The following MAML3 variants were observed in gnomAD, a reference collection of about 807,000 sequenced individuals.
MAML3 encodes the protein mastermind-like protein 3.
A neutral mutation model predicts 101.9 loss-of-function variants in MAML3; 27 were observed. The observed-to-expected ratio is 0.27, with a 90% CI of 0.20 to 0.37. The LOEUF is 0.37. MAML3 is among the 10% of genes least tolerant of loss of function. The pLI, the probability that MAML3 is intolerant of heterozygous loss-of-function variation, is 1.00. For synonymous variants in MAML3, 501 were observed against 555.9 expected (o/e 0.90, Z 1.39); for missense variants, 1,316 against 1,444.9 (o/e 0.91, Z 1.45).
chr4:139,860,153 T>C (rs973049207), intron 2 of MAML3, among the ~76,000 whole-genome samples: 3 of 152,242 alleles, frequency 2.0e-5, no homozygotes, highest in African/African-American at 7.2e-5. Flanking sequence ...CTGAAGCCCC[T>C]AGCTCCCTCC....
intron 1 of MAML3, among the ~76,000 whole-genome samples, chr4:140,086,227 A>G (rs539582413): frequency 9.2e-5 from 14 of 152,344 alleles, no homozygotes; most frequent in African/African-American, 3.4e-4. Context: ...ACCCTCCACC[A>G]TCCGCACATA....
intron 1 of MAML3, among the ~76,000 whole-genome samples, chr4:139,899,457 C>T (rs1194889763): frequency 1.3e-5 from 2 of 152,194 alleles, no homozygotes; most frequent in African/African-American, 4.8e-5. Context: ...TCCCCCTCCA[C>T]ATTATATATT....
chr4:140,029,535 G>T (rs1173518752), intron 1 of MAML3, among the ~76,000 whole-genome samples: 1 of 152,018 alleles, frequency 6.6e-6, no homozygotes, highest in Non-Finnish European at 1.5e-5. Flanking sequence ...TTGTATTGTA[G>T]CACAAAAATA....
At chr4:139,863,040 C>T (rs888773613) in intron 2 of MAML3, among the ~76,000 whole-genome samples, 1 of 151,662 alleles carries the variant, frequency 6.6e-6, no homozygotes, top group Non-Finnish European at 1.5e-5. Flanking sequence ...GTCCCAGCTA[C>T]TCAGGAGGCT....
intron 1 of MAML3, among the ~76,000 whole-genome samples, chr4:139,934,003 A>G (rs112233005): frequency 0.048 from 7,340 of 152,114 alleles, 532 homozygotes; most frequent in African/African-American, 0.16. Context: ...CTATATGTGA[A>G]TGAGTATGTG....
At chr4:140,005,031 AAAACACAGGTAG>A (rs1214861997) in intron 1 of MAML3, among the ~76,000 whole-genome samples, 1 of 152,256 alleles carries the variant, frequency 6.6e-6, no homozygotes, top group East Asian at 1.9e-4. Context: ...TGTACTTCAA[AAAACACAGGTAG>A]AAAACATTTT....
At chr4:140,095,358 C>T (rs113036190) in intron 1 of MAML3, among the ~76,000 whole-genome samples, 229 of 152,258 alleles carry the variant, frequency 1.5e-3, no homozygotes, top group Non-Finnish European at 2.4e-3. Context: ...TCTCCACAGA[C>T]GGTCAAATCT....
At chr4:140,080,611 A>C (rs114528260) in intron 1 of MAML3, among the ~76,000 whole-genome samples, 5,162 of 152,312 alleles carry the variant, frequency 0.034, 130 homozygotes, top group Middle Eastern at 0.061. Context: ...AGCACCTCTA[A>C]AAAACCTACC....
intron 1 of MAML3, among the ~76,000 whole-genome samples, chr4:139,946,889 C>CCA (rs544250515): frequency 0.034 from 4,271 of 126,744 alleles, 128 homozygotes; most frequent in African/African-American, 0.069. Context: ...GCAGAGTAAG[C>CCA]CACACACACA....
intron 1 of MAML3, among the ~76,000 whole-genome samples, chr4:139,980,777 G>T (rs1166469279): frequency 6.6e-6 from 1 of 152,164 alleles, no homozygotes; most frequent in East Asian, 1.9e-4. Flanking sequence ...GTATTCTGCT[G>T]CAGGAAGACA....
At chr4:139,924,617 T>A (rs1323889454) in intron 1 of MAML3, among the ~76,000 whole-genome samples, 30 of 150,170 alleles carry the variant, frequency 2.0e-4, no homozygotes, top group Admixed American at 1.8e-3. Flanking sequence ...TGGAGTCAGG[T>A]ATACTAAAGT....
intron 2 of MAML3, among the ~76,000 whole-genome samples, chr4:139,841,103 G>C (rs1731352751): frequency 6.6e-6 from 1 of 152,146 alleles, no homozygotes; most frequent in African/African-American, 2.4e-5. Flanking sequence ...AGGGAAGTAT[G>C]GTCACCAAAT....
intron 1 of MAML3, among the ~76,000 whole-genome samples, chr4:139,969,723 G>C (rs1167668755): frequency 1.3e-5 from 2 of 151,934 alleles, no homozygotes; most frequent in African/African-American, 4.8e-5. Context: ...ATATTCATAG[G>C]GCCTACTGTA....
At position 139,735,980 on chromosome 4, in the gene MAML3, CGTGT is replaced by C. The variant is rs2056372913; in HGVS notation, c.2080-5317_2080-5314del. ...GCGCATTTCCCAGGCCCCGCCACATCGTGTGTGTTAGTGGCTGGGAAGGACACGA... is the reference window on the plus strand; with the variant it reads ...GCGCATTTCCCAGGCCCCGCCACATCGTGTTAGTGGCTGGGAAGGACACGA... On this transcript the variant is annotated intron_variant, in intron 2 of 4. Transcript: ENST00000509479. This position sits in a 1 kb window ranked among gnomAD's most constrained non-coding sequence, Gnocchi z 5.8. 6.6e-6 allele frequency among the ~76,000 whole-genome samples: 1 copy of C among 152,146 alleles called. No individual in the cohort carries two copies. The highest frequency in any genetic ancestry group is 1.5e-5 in the Non-Finnish European group (1 of 68,022).
Position 139,889,997 on chromosome 4 carries a change from T to C in MAML3, c.1439A>G (p.Lys480Arg). The C allele has an allele frequency of 1.2e-6, 2 of 1,612,258 alleles. No homozygotes were observed. Among genetic ancestry groups the C allele is most frequent in the African/African-American group, 1.3e-5 (1 of 75,030 alleles). ...QMAAQQQQRA[K>R]LMQQKQQQQQ... ...CTGTTGCTGTTTCTGCTGCATGAGT[T>C]TGGCCCTTTGTTGCTGCTGTGCAGC... Residue 480 changes from lysine (K) to arginine (R), a missense_variant, in exon 2 of 5, where the codon AAA becomes AGA. Coordinates refer to ENST00000509479, the MANE Select transcript of MAML3 (RefSeq NM_018717.5).
intron 1 of MAML3, among the ~76,000 whole-genome samples, chr4:140,049,595 G>T (rs1727234997): frequency 6.6e-6 from 1 of 152,158 alleles, no homozygotes; most frequent in Non-Finnish European, 1.5e-5. Flanking sequence ...CAACAGGCAG[G>T]CTATGGGGGA....
At chr4:139,754,786 G>A (rs1239155896) in intron 2 of MAML3, among the ~76,000 whole-genome samples, 1 of 152,182 alleles carries the variant, frequency 6.6e-6, no homozygotes, top group Non-Finnish European at 1.5e-5. Context: ...CAGTGCAATT[G>A]TGATTCTTCA....
At chr4:139,746,599 C>T (rs1011345320) in intron 2 of MAML3, among the ~76,000 whole-genome samples, 4 of 152,282 alleles carry the variant, frequency 2.6e-5, no homozygotes, top group African/African-American at 9.6e-5. Flanking sequence ...CCATCTGTCT[C>T]TCTCGCTCTG....
Position 140,091,371 on chromosome 4 carries a change from C to A in MAML3, c.468+61489G>T, listed in dbSNP as rs553191659. Among the ~76,000 whole-genome samples the A allele has an allele frequency of 2.6e-5, 4 of 152,082 alleles. No homozygotes were observed. The South Asian group carries it at 8.3e-4, about 32-fold the overall frequency. On this transcript the variant is annotated intron_variant, in intron 1 of 4. Transcript: ENST00000509479. ...GTTAGGGTCTACCTTTTCTTTAAAT[C>A]ATTTTCACTATTTTATGTAGGTTTA... is the stretch of plus-strand genomic sequence containing the variant.
Sources: allele counts gnomAD v4.1 joint callset (sites outside exome capture counted in the v4.1 genomes callset), GRCh38; gene constraint gnomAD v4.1.1; non-coding constraint Gnocchi (gnomAD v3.1); transcripts MANE v1.5; gene names NCBI Gene and HGNC (gene_info 2026-07-23, HGNC 2026-07-21).